RBBP8NL: variants seen among roughly 807,000 people sequenced by gnomAD.
RBBP8NL encodes RBBP8 N-terminal like.
RBBP8NL carries 59 observed loss-of-function variants against 62.2 expected under a neutral mutation model. The observed-to-expected ratio is 0.95, with a 90% CI of 0.77 to 1.18. RBBP8NL has a LOEUF of 1.18. Ranked by LOEUF, RBBP8NL falls within the 50% of genes most tolerant of loss-of-function variation. The pLI is 0.00. For synonymous variants in RBBP8NL, 412 were observed against 394.1 expected, an observed-to-expected ratio of 1.05 and a Z score of -0.54; for missense variants, 896 against 899.5, an observed-to-expected ratio of 1.00 and a Z score of 0.05.
At chr20:62,422,288 C>T (rs539903857) in intron 1 of RBBP8NL, among the ~76,000 whole-genome samples, 5 of 152,138 alleles carry the variant, frequency 3.3e-5, no homozygotes, top group East Asian at 2.0e-4. Flanking sequence ...TCTACAGAAC[C>T]GTCCCGAACA....
chr20:62,415,631 C>T lies in RBBP8NL; in HGVS notation c.574G>A (p.Val192Met), dbSNP rs772123635. 5 of 1,612,872 alleles carry T rather than the reference C, an allele frequency of 3.1e-6. No individual in the cohort carries two copies. The highest frequency in any genetic ancestry group is 2.7e-5 in the African/African-American group (2 of 74,938). Reference sequence around the variant, plus strand: ...GTGGCCCCTGGGGAGATTTTGGCCACTGGAGATGTCCTGTGCCCTGCTGGC... The same window carrying T: ...GTGGCCCCTGGGGAGATTTTGGCCATTGGAGATGTCCTGTGCCCTGCTGGC... ...EKPAGHRTSP[V>M]AKISPGATLP... Residue 192 changes from valine to methionine, a missense_variant, in exon 8 of 14, where the codon GTG (valine) becomes ATG (methionine). Transcript: ENST00000252998.
chr20:62,416,374 C>T (rs559359887), intron 5 of RBBP8NL, 138 bp from the exon 6 acceptor site: 9 of 756,230 alleles, frequency 1.2e-5, no homozygotes, highest in South Asian at 3.1e-5. Flanking sequence ...GCAGGGGCGC[C>T]GTGGATGCTG....
Position 62,412,607 on chromosome 20 carries a change from C to A in RBBP8NL, c.1876+17G>T, listed in dbSNP as rs575406289. The stretch of plus-strand genomic sequence containing the variant: ...CCCCTCGCCCCCTTCCCTGCACCTG[C>A]CCCATGCCAGCTGTACCTTTGTCCC... On this transcript the variant is annotated intron_variant, in intron 13 of 13. Transcript: ENST00000252998. 79 of 1,600,954 alleles carry A rather than the reference C, an allele frequency of 4.9e-5. 1 individual carries two copies. In the South Asian group the frequency reaches 7.6e-4, roughly 15 times the overall value.
In RBBP8NL at chr20:62,415,813, G is replaced by A. The variant is rs145553586; in HGVS notation, c.519C>T (p.His173=). Residue 173 remains histidine, a synonymous_variant, in exon 7 of 14, where the codon CAC becomes CAT. Transcript: ENST00000252998. ...CTTCTCCCCGTAGGCCCACGCCCTG[G>A]TGGTCTTCCTCAGCCTCCTCGTGGC... ...PGGHEEAEED[H]QGVGLRGEEK... The A allele has an allele frequency of 1.2e-6, 2 of 1,612,360 alleles. No homozygotes were observed. The highest frequency in any genetic ancestry group is 2.7e-5 in the African/African-American group (2 of 74,926).
chr20:62,419,199 C>T (rs775916228), intron 2 of RBBP8NL, among the ~76,000 whole-genome samples: 5 of 152,258 alleles, frequency 3.3e-5, no homozygotes, highest in Non-Finnish European at 7.4e-5. Context: ...CTCAGCAGGC[C>T]GGCCAGGGTG....
chr20:62,424,295 T>G (rs1188808782), intron 1 of RBBP8NL, among the ~76,000 whole-genome samples: 4 of 147,436 alleles, frequency 2.7e-5, no homozygotes, highest in Non-Finnish European at 1.5e-5. Context: ...AGCTGGGCCG[T>G]GGGGGGGGCA....
At chr20:62,423,261 G>A (rs1384353125) in intron 1 of RBBP8NL, among the ~76,000 whole-genome samples, 1 of 152,182 alleles carries the variant, frequency 6.6e-6, no homozygotes, top group African/African-American at 2.4e-5. Flanking sequence ...AACAGATCAA[G>A]CCTCCCGTCT....
rs114526073 is a variant in RBBP8NL, at chr20:62,416,205, G to A, written c.345C>T (p.Asn115=). ...GCTTCACCTCCTCCTTCAAGGTCTC[G>A]TTCTCTTCCTTCAGCCCGTTCATCT... is the stretch of plus-strand genomic sequence containing the variant. The part of the protein sequence containing the change: ...TNEMNGLKEE[N]ETLKEEVKRL... The change falls in exon 6 of 14, where the codon AAC becomes AAT. Residue 115 remains asparagine (N), a synonymous_variant. Coordinates refer to ENST00000252998, the MANE Select transcript of RBBP8NL (RefSeq NM_080833.3). The A allele has an allele frequency of 7.0e-6, 11 of 1,577,162 alleles. No homozygotes were observed. In the African/African-American group the frequency reaches 8.4e-5, roughly 12 times the overall value.
chr20:62,413,470 T>A lies in RBBP8NL; in HGVS notation c.1606A>T (p.Arg536Trp), dbSNP rs1228101976. 6.7e-7 allele frequency: 1 copy of A among 1,481,790 alleles called. No homozygotes were observed. The highest frequency in any genetic ancestry group is 2.6e-5 in the Admixed American group (1 of 38,184). The allele number at this position is 1,481,790 out of a possible 1,614,324, so 91.8% of individuals were successfully genotyped here. A position where few individuals can be genotyped will look rare whatever the true frequency, so the allele number is the denominator to read the frequency against. The change falls in exon 11 of 14, where the codon AGG (arginine) becomes TGG (tryptophan). Residue 536 changes from arginine to tryptophan, a missense_variant. Coordinates refer to ENST00000252998, the MANE Select transcript of RBBP8NL (RefSeq NM_080833.3). The stretch of plus-strand genomic sequence containing the variant: ...TGTGGGTGGGGAGGTGGCAGAGGCC[T>A]CCCTGTGTCTTCATCTTCTGTACTG... ...PGSTEDEDTGRPLPPPHPQPP... is the reference protein window; with the variant it reads ...PGSTEDEDTGWPLPPPHPQPP...
intron 2 of RBBP8NL, among the ~76,000 whole-genome samples, chr20:62,419,066 G>A (rs12106205): frequency 0.12 from 19,006 of 152,142 alleles, 1,357 homozygotes; most frequent in Middle Eastern, 0.17. Flanking sequence ...GGACAGGGGT[G>A]GGGCCTGGGG....
chr20:62,414,343 C>T lies in RBBP8NL; in HGVS notation c.1008G>A (p.Leu336=), dbSNP rs1251642870. The T allele has an allele frequency of 6.4e-7, 1 of 1,556,634 alleles. No homozygotes were observed. Among genetic ancestry groups the T allele is most frequent in the Non-Finnish European group, 8.7e-7 (1 of 1,151,112 alleles). The change falls in exon 10 of 14, where the codon CTG becomes CTA. Residue 336 remains leucine, a synonymous_variant. Coordinates refer to ENST00000252998, the MANE Select transcript of RBBP8NL (RefSeq NM_080833.3). ...EAEAWEEPTE[L]LGLPSALAGM... is the part of the protein sequence containing the mutation. Reference sequence around the variant, plus strand: ...CCGCCAGGGCACTGGGCAGCCCCAGCAGTTCTGTGGGCTCCTCCCAGGCCT... The same window carrying T: ...CCGCCAGGGCACTGGGCAGCCCCAGTAGTTCTGTGGGCTCCTCCCAGGCCT...
chr20:62,413,757 G>T, intron 10 of RBBP8NL, 64 bp downstream of exon 10: 4 of 1,510,900 alleles, frequency 2.6e-6, no homozygotes, highest in Non-Finnish European at 3.5e-6. Flanking sequence ...CTGGGGGGAG[G>T]CCGGCCCGGG....
rs558224672 is a variant in RBBP8NL, at chr20:62,415,796, C to T, written c.536G>A (p.Arg179Gln). 60 of 1,611,978 alleles carry T rather than the reference C, an allele frequency of 3.7e-5. No individual in the cohort carries two copies. Among genetic ancestry groups the T allele is most frequent in the Middle Eastern group, 1.6e-4 (1 of 6,062 alleles). ...CCCGGTCCCCACAGCACCTTCTCCC[C>T]GTAGGCCCACGCCCTGGTGGTCTTC... is the stretch of plus-strand genomic sequence containing the variant. Reference protein sequence around the residue: ...AEEDHQGVGLRGEEKPAGHRT... With the variant: ...AEEDHQGVGLQGEEKPAGHRT... The change falls in exon 7 of 14, where the codon CGG becomes CAG. Residue 179 changes from arginine to glutamine, a missense_variant. Arg to Gln is a conservative substitution (Grantham distance 43). Coordinates refer to ENST00000252998, the MANE Select transcript of RBBP8NL (RefSeq NM_080833.3).
intron 13 of RBBP8NL, among the ~76,000 whole-genome samples, chr20:62,411,708 G>A (rs561429679): frequency 6.6e-6 from 1 of 152,364 alleles, no homozygotes; most frequent in African/African-American, 2.4e-5. Flanking sequence ...AGTTTCTCAG[G>A]AGCCCCTGCC....
Position 62,412,679 on chromosome 20 carries a change from C to T in RBBP8NL, c.1821G>A (p.Glu607=), listed in dbSNP as rs752030209. Residue 607 remains glutamate, a synonymous_variant, in exon 13 of 14, where the codon GAG becomes GAA. Transcript: ENST00000252998. ...TCTTCCGTGGTGGACCCTGCCCGTG[C>T]TCCTGGGTGCAGATGCACTCAGGCC... The part of the protein sequence containing the change: ...GEGPECICTQ[E]HGQGPPRKRK... 6.2e-7 allele frequency: 1 copy of T among 1,608,796 alleles called. No individual in the cohort carries two copies. The highest frequency in any genetic ancestry group is 8.5e-7 in the Non-Finnish European group (1 of 1,179,932).
At chr20:62,413,057 G>A (rs925600977) in intron 11 of RBBP8NL, among the ~76,000 whole-genome samples, 157 bp from the exon 12 acceptor site, 2 of 152,268 alleles carry the variant, frequency 1.3e-5, no homozygotes, top group Admixed American at 6.5e-5. Flanking sequence ...ACAGGAGGCC[G>A]ACTGGGGTTT....
chr20:62,413,191 G>A (rs564115041), intron 11 of RBBP8NL, among the ~76,000 whole-genome samples: 93 of 152,390 alleles, frequency 6.1e-4, no homozygotes, highest in Non-Finnish European at 1.1e-3. Flanking sequence ...CTCACTGAGT[G>A]TTGTTAGAGA....
At chr20:62,412,503 G>T (rs1447536925) in intron 13 of RBBP8NL, 121 bp downstream of exon 13, 2 of 1,327,900 alleles carry the variant, frequency 1.5e-6, no homozygotes, top group Non-Finnish European at 2.1e-6. Flanking sequence ...GTTCATTTTT[G>T]GCTCCATCAT....
At chr20:62,416,500 G>C (rs183222853) in intron 5 of RBBP8NL, among the ~76,000 whole-genome samples, 38 of 152,324 alleles carry the variant, frequency 2.5e-4, no homozygotes, top group Non-Finnish European at 4.3e-4. Flanking sequence ...AGGACCTTCC[G>C]CATCTCAGGA....
Sources: allele counts gnomAD v4.1 joint callset (sites outside exome capture counted in the v4.1 genomes callset), GRCh38; gene constraint gnomAD v4.1.1; transcripts MANE v1.5; gene names NCBI Gene and HGNC (gene_info 2026-07-23, HGNC 2026-07-21).